The following AK6 variants were observed in gnomAD, a reference collection of about 807,000 sequenced individuals.
The protein encoded by AK6 is adenylate kinase 6.
In AK6, 24 loss-of-function variants were observed where a neutral mutation model predicts 23.7. That is an observed-to-expected ratio of 1.01 (90% confidence interval 0.73 to 1.43). The LOEUF (loss-of-function observed/expected upper bound fraction) is 1.43, where lower values mean the gene tolerates loss of function less well. Ranked by LOEUF, AK6 falls within the 40% of genes most tolerant of loss-of-function variation. AK6 has a pLI of 0.00. For missense variants in AK6, 191 were observed against 199.1 expected (o/e 0.96, Z 0.24); for synonymous variants, 73 against 69.8 (o/e 1.05, Z -0.23).
intron 2 of AK6, chr5:69,364,813 G>C (rs1762344284): frequency 3.6e-6 from 3 of 833,642 alleles, no homozygotes; most frequent in Admixed American, 2.3e-5. Flanking sequence ...CAATTGAAAA[G>C]TATGGTAACT....
At chr5:69,365,527 C>A in intron 2 of AK6, 1 of 1,613,774 alleles carries the variant, frequency 6.2e-7, no homozygotes, top group Non-Finnish European at 8.5e-7. Flanking sequence ...GCCAATCGCA[C>A]ATCATCTGCA....
intron 2 of AK6, among the ~76,000 whole-genome samples, chr5:69,356,738 G>C (rs781173895): frequency 1.3e-5 from 2 of 152,192 alleles, no homozygotes; most frequent in Non-Finnish European, 2.9e-5. Flanking sequence ...CATGGGAATA[G>C]AGAAGGGTCA....
At chr5:69,368,062 TTACCTC>T (rs1233685687) in intron 1 of AK6, among the ~76,000 whole-genome samples, 1 of 152,006 alleles carries the variant, frequency 6.6e-6, no homozygotes, top group African/African-American at 2.4e-5. Flanking sequence ...AGTCTGAAAA[TTACCTC>T]TACTGACCCC....
At chr5:69,365,034 T>C in intron 2 of AK6, 1 of 1,614,176 alleles carries the variant, frequency 6.2e-7, no homozygotes, top group Non-Finnish European at 8.5e-7. Flanking sequence ...ATTGGCAGTA[T>C]TTTGTGATGA....
chr5:69,361,857 C>T (rs1468384664), intron 2 of AK6, among the ~76,000 whole-genome samples: 1 of 151,668 alleles, frequency 6.6e-6, no homozygotes, highest in African/African-American at 2.4e-5. Context: ...CCACCCGCCT[C>T]GGCCTCCCAA....
At chr5:69,364,262 C>T (rs1762326235) in intron 2 of AK6, among the ~76,000 whole-genome samples, 1 of 150,990 alleles carries the variant, frequency 6.6e-6, no homozygotes, top group South Asian at 2.1e-4. Context: ...AGCCCTGGAT[C>T]AAAAATGAAC....
intron 4 of AK6, among the ~76,000 whole-genome samples, chr5:69,353,498 A>G (rs554909692): frequency 6.6e-6 from 1 of 152,114 alleles, no homozygotes; most frequent in South Asian, 2.1e-4. Context: ...GGGTTTCACC[A>G]TGTTGGTCAG....
intron 2 of AK6, chr5:69,364,829 T>A (rs1323741425): frequency 1.1e-6 from 1 of 910,874 alleles, no homozygotes; most frequent in African/African-American, 1.7e-5. Context: ...TAACTGTGTT[T>A]ACTCATTATT....
At chr5:69,366,814 A>AATGGT in intron 1 of AK6, 1 of 520,550 alleles carries the variant, frequency 1.9e-6, no homozygotes, top group Non-Finnish European at 3.5e-6. Flanking sequence ...GCTGGAGTGC[A>AATGGT]GTGGCACAAT....
chr5:69,359,430 A>G (rs1430781952), intron 2 of AK6, among the ~76,000 whole-genome samples: 1 of 151,980 alleles, frequency 6.6e-6, no homozygotes, highest in East Asian at 1.9e-4. Flanking sequence ...TTTTTAGTAG[A>G]GATGGGGTTT....
chr5:69,365,524 G>A (rs1178884229), intron 2 of AK6: 30 of 1,613,766 alleles, frequency 1.9e-5, no homozygotes, highest in Non-Finnish European at 2.5e-5. Flanking sequence ...ATTGCCAATC[G>A]CACATCATCT....
In AK6 at chr5:69,369,226, A is replaced by ACCCCCCCCCCCCCCCCCCCCC. The variant is rs200123392; in HGVS notation, c.28+236_28+237insGGGGGGGGGGGGGGGGGGGGG. On this transcript the variant is annotated intron_variant, in intron 1 of 4. Coordinates refer to ENST00000380822, the MANE Select transcript of AK6 (RefSeq NM_016283.5). ...GAGCTGGATCTGCCGACCTCTCTCC[A>ACCCCCCCCCCCCCCCCCCCCC]CCCCCCCCCGCCCCCCCCCGGAGCC... is the stretch of plus-strand genomic sequence containing the variant. 11 of 124,472 alleles carry ACCCCCCCCCCCCCCCCCCCCC rather than the reference A, an allele frequency of 8.8e-5. 3 individuals carry two copies. The highest frequency in any genetic ancestry group is 6.4e-4 in the South Asian group (4 of 6,230). 7.7% of individuals were successfully genotyped at this position (124,472 alleles called of 1,614,324 possible).
chr5:69,365,806 C>T, intron 2 of AK6: 1 of 1,297,908 alleles, frequency 7.7e-7, no homozygotes, highest in East Asian at 2.4e-5. Flanking sequence ...GAAATAGTTA[C>T]TTTAGTAGCA....
At chr5:69,356,555 G>A (rs1183787995) in intron 2 of AK6, among the ~76,000 whole-genome samples, 1 of 152,132 alleles carries the variant, frequency 6.6e-6, no homozygotes, top group Non-Finnish European at 1.5e-5. Context: ...GGAGGCTGAG[G>A]CAGAAGGATT....
intron 2 of AK6, chr5:69,365,381 T>C (rs762889932): frequency 1.1e-5 from 17 of 1,614,124 alleles, no homozygotes; most frequent in Non-Finnish European, 1.3e-5. Flanking sequence ...TTAAGCAGTA[T>C]CTATCAGGTG....
At chr5:69,369,397 G>C (rs1762744495) in intron 1 of AK6, 66 bp downstream of exon 1, 1 of 1,569,158 alleles carries the variant, frequency 6.4e-7, no homozygotes, top group African/African-American at 1.4e-5. Context: ...CTGGGCGCCC[G>C]ATGCCCAGAG....
chr5:69,361,333 G>A lies in AK6; in HGVS notation c.121+5170C>T, dbSNP rs192532108. 2.6e-3 allele frequency among the ~76,000 whole-genome samples: 389 copies of A among 152,202 alleles called. 1 individual carries two copies. In the Middle Eastern group the frequency reaches 0.034, roughly 13 times the overall value. On this transcript the variant is annotated intron_variant, in intron 2 of 4. Coordinates refer to ENST00000380822, the MANE Select transcript of AK6 (RefSeq NM_016283.5). ...AGACGGGGTTTCACCGTGTTAGCCA[G>A]GATGGTCTCAATCTCCTGACCTCGT...
intron 1 of AK6, chr5:69,369,226 A>AGGGGG: frequency 1.6e-5 from 2 of 123,112 alleles, no homozygotes; most frequent in Non-Finnish European, 3.2e-5. Context: ...ACCTCTCTCC[A>AGGGGG]CCCCCCCCCG....
chr5:69,366,108 G>A (rs1762412189), intron 2 of AK6, among the ~76,000 whole-genome samples: 1 of 152,134 alleles, frequency 6.6e-6, no homozygotes, highest in Non-Finnish European at 1.5e-5. Flanking sequence ...GCATAGTCAG[G>A]TCCCACACCT....
Sources: allele counts gnomAD v4.1 joint callset (sites outside exome capture counted in the v4.1 genomes callset), GRCh38; gene constraint gnomAD v4.1.1; transcripts MANE v1.5; gene names NCBI Gene and HGNC (gene_info 2026-07-23, HGNC 2026-07-21).